The following TBX5 variants were observed in gnomAD, a reference collection of about 807,000 sequenced individuals.
TBX5 encodes the protein T-box transcription factor 5.
TBX5 carries 8 observed loss-of-function variants against 51.1 expected under a neutral mutation model. That is an observed-to-expected ratio of 0.16 (90% CI 0.09 to 0.28). The LOEUF is 0.28. Ranked by LOEUF, TBX5 falls within the 10% of genes least tolerant of loss-of-function variation. TBX5 has a pLI of 1.00. For missense variants in TBX5, 589 were observed against 671.7 expected (o/e 0.88, Z 1.36); for synonymous variants, 302 against 266.4 (o/e 1.13, Z -1.30).
intron 5 of TBX5, among the ~76,000 whole-genome samples, 172 bp from the exon 6 acceptor site, chr12:114,395,065 CA>C (rs765748839): frequency 6.6e-6 from 1 of 152,120 alleles, no homozygotes; most frequent in South Asian, 2.1e-4. Flanking sequence ...AGAAACATTT[CA>C]AAAATAACAA....
chr12:114,356,574 A>G (rs1418955112), intron 8 of TBX5, among the ~76,000 whole-genome samples: 1 of 152,184 alleles, frequency 6.6e-6, no homozygotes, highest in Non-Finnish European at 1.5e-5. Context: ...TCAAAAATAA[A>G]TAAATAGCAA....
intron 6 of TBX5, among the ~76,000 whole-genome samples, chr12:114,393,253 G>A (rs1297369944): frequency 1.4e-5 from 2 of 143,730 alleles, no homozygotes; most frequent in African/African-American, 4.9e-5. Flanking sequence ...CCTTGCTGGT[G>A]GGGACTGTAG....
In TBX5 at chr12:114,373,403, T is replaced by C. The variant is rs989088419; in HGVS notation, c.756-7012A>G. Among the ~76,000 whole-genome samples the C allele has an allele frequency of 5.3e-5, 8 of 152,282 alleles. No homozygotes were observed. In the East Asian group the frequency reaches 7.7e-4, roughly 15 times the overall value. On this transcript the variant is annotated intron_variant, in intron 7 of 8. Coordinates refer to ENST00000405440, the MANE Select transcript of TBX5 (RefSeq NM_181486.4). ...TAAAACTACAGACAACAAAGGACAA[T>C]TCAAGCTAAACTTTGTAAAACTACA...
Position 114,355,965 on chromosome 12 carries a change from C to T in TBX5, c.1124G>A (p.Arg375Gln), listed in dbSNP as rs1486871388. The change falls in exon 9 of 9, where the codon CGG becomes CAG. Residue 375 changes from arginine (R) to glutamine (Q), a missense_variant. This residue lies in a region of TBX5 where 348 missense variants were observed against 360.4 expected (regional missense o/e 0.97). Transcript: ENST00000405440. ...GASYRTESAQ[R>Q]QACMYASSAP... ...AGAGCTGGCATACATGCAAGCTTGC[C>T]GCTGTGCCGACTCTGTCCTGTAGGA... is the stretch of plus-strand genomic sequence containing the variant. 6.2e-6 allele frequency: 10 copies of T among 1,613,878 alleles called. No individual in the cohort carries two copies. The highest frequency in any genetic ancestry group is 2.2e-5 in the East Asian group (1 of 44,888).
intron 6 of TBX5, among the ~76,000 whole-genome samples, chr12:114,392,973 C>T (rs950501239): frequency 6.6e-6 from 1 of 152,186 alleles, no homozygotes; most frequent in Non-Finnish European, 1.5e-5. Flanking sequence ...AGGAAGCTCT[C>T]TCTCGACCTG....
At chr12:114,404,051 G>A (rs1872029812) in intron 1 of TBX5, 115 bp from the exon 2 acceptor site, 2 of 1,118,010 alleles carry the variant, frequency 1.8e-6, no homozygotes, top group East Asian at 2.6e-5. Flanking sequence ...CCAGTTTCCA[G>A]CTACCAGCAC....
At chr12:114,381,308 A>G (rs1870495453) in intron 7 of TBX5, among the ~76,000 whole-genome samples, 3 of 152,122 alleles carry the variant, frequency 2.0e-5, no homozygotes, top group Admixed American at 6.5e-5. Context: ...CTTTTCTCCC[A>G]TAGCCAGCTG....
At chr12:114,405,576 C>T in intron 1 of TBX5, 52 bp downstream of exon 1, 3 of 443,862 alleles carry the variant, frequency 6.8e-6, no homozygotes, top group Non-Finnish European at 9.0e-6. Flanking sequence ...CCAGCCGACT[C>T]GGCCGACGAG....
At chr12:114,370,319 A>AAGAAAAGAAAAGAAAAG (rs1869820231) in intron 7 of TBX5, among the ~76,000 whole-genome samples, 1 of 151,452 alleles carries the variant, frequency 6.6e-6, no homozygotes, top group Non-Finnish European at 1.5e-5. Context: ...AAAGAAAGAA[A>AAGAAAAGAAAAGAAAAG]AGAAAAGAAA....
At chr12:114,395,968 A>T (rs995547270) in intron 5 of TBX5, among the ~76,000 whole-genome samples, 5 of 152,078 alleles carry the variant, frequency 3.3e-5, no homozygotes, top group Non-Finnish European at 2.9e-5. Context: ...ACACATCCCC[A>T]CCGAACTTGC....
chr12:114,385,840 CT>C lies in TBX5; in HGVS notation c.664-274del, dbSNP rs35970834. ...TACTCTGCATCATTCCAGCTGGGTT[CT>C]TTTTTTTTTTTTTCCAATCTTGCAT... On this transcript the variant is annotated intron_variant, in intron 6 of 8. Coordinates refer to ENST00000405440, the MANE Select transcript of TBX5 (RefSeq NM_181486.4). 0.01 allele frequency among the ~76,000 whole-genome samples: 1,495 copies of C among 144,170 alleles called. 22 individuals are homozygous for C. The highest frequency in any genetic ancestry group is 0.034 in the African/African-American group (1,343 of 39,152). The allele number at this position is 144,170 out of a possible 152,430, so 94.6% of individuals were successfully genotyped here. A position where few individuals can be genotyped will look rare whatever the true frequency, so the allele number is the denominator to read the frequency against.
intron 7 of TBX5, among the ~76,000 whole-genome samples, chr12:114,370,662 T>C (rs1869849413): frequency 6.6e-6 from 1 of 150,514 alleles, no homozygotes; most frequent in African/African-American, 2.4e-5. Context: ...TCTCTCTCTC[T>C]CTATCTATCT....
At chr12:114,400,062 C>T (rs1368535005) in intron 3 of TBX5, among the ~76,000 whole-genome samples, 1 of 152,190 alleles carries the variant, frequency 6.6e-6, no homozygotes, top group African/African-American at 2.4e-5. Context: ...TCCGCCGATC[C>T]TCGCGTTGCT....
At chr12:114,375,265 A>C (rs992049202) in intron 7 of TBX5, among the ~76,000 whole-genome samples, 1 of 152,236 alleles carries the variant, frequency 6.6e-6, no homozygotes, top group Non-Finnish European at 1.5e-5. Context: ...GGACACCTCC[A>C]TCAGAGCCAC....
intron 8 of TBX5, among the ~76,000 whole-genome samples, chr12:114,361,938 C>T (rs1345373342): frequency 2.0e-5 from 3 of 152,078 alleles, no homozygotes; most frequent in Non-Finnish European, 4.4e-5. Context: ...AGGATTTCTC[C>T]AGGGTGCATA....
intron 5 of TBX5, among the ~76,000 whole-genome samples, chr12:114,397,379 G>T (rs560760733): frequency 1.0e-3 from 156 of 152,244 alleles, no homozygotes; most frequent in African/African-American, 3.3e-3. Flanking sequence ...CCTCCCGTCC[G>T]CCCCCTAGGC....
At chr12:114,393,166 G>A (rs948902698) in intron 6 of TBX5, among the ~76,000 whole-genome samples, 3 of 152,128 alleles carry the variant, frequency 2.0e-5, no homozygotes, top group Non-Finnish European at 2.9e-5. Context: ...AGGATTTGGG[G>A]TGCTAAGCCT....
intron 6 of TBX5, among the ~76,000 whole-genome samples, chr12:114,388,561 T>A (rs1483943248): frequency 1.3e-5 from 2 of 152,078 alleles, no homozygotes; most frequent in Non-Finnish European, 2.9e-5. Flanking sequence ...CACTACAACA[T>A]TGACCTCCCA....
chr12:114,384,745 A>ACACACAAC lies in TBX5; in HGVS notation c.755+730_755+731insGTTGTGTG, dbSNP rs10629159. On this transcript the variant is annotated intron_variant, in intron 7 of 8. Transcript: ENST00000405440. ...CACACACACACACACACACACACAC[A>ACACACAAC]ACACACACACACAAACCTTCTTGGT... Among the ~76,000 whole-genome samples, 957 of 115,188 alleles carry ACACACAAC rather than the reference A, an allele frequency of 8.3e-3. 12 individuals are homozygous for ACACACAAC. The highest frequency in any genetic ancestry group is 0.026 in the Middle Eastern group (6 of 234). The allele number at this position is 115,188 out of a possible 152,430, so 75.6% of individuals were successfully genotyped here. A position where few individuals can be genotyped will look rare whatever the true frequency, so the allele number is the denominator to read the frequency against.
Sources: allele counts gnomAD v4.1 joint callset (sites outside exome capture counted in the v4.1 genomes callset), GRCh38; gene constraint gnomAD v4.1.1; regional missense constraint gnomAD v4.1.1; transcripts MANE v1.5; gene names NCBI Gene and HGNC (gene_info 2026-07-23, HGNC 2026-07-21).